The following METTL8 variants were observed in gnomAD, a reference collection of about 807,000 sequenced individuals.
The protein encoded by METTL8 is tRNA N(3)-cytidine methyltransferase METTL8, mitochondrial.
In METTL8, 32 loss-of-function variants were observed where a neutral mutation model predicts 48.7. That is an observed-to-expected ratio of 0.66 (90% CI 0.50 to 0.88). METTL8 has a LOEUF of 0.88. Among genes scored for constraint, METTL8 ranks in the 40% least tolerant of loss-of-function variants. The pLI is 0.00. For synonymous variants in METTL8, 136 were observed against 157.1 expected (o/e 0.87, Z 1.01); for missense variants, 464 against 474.4 (o/e 0.98, Z 0.20).
chr2:171,373,318 T>C (rs1031642663), intron 2 of METTL8, among the ~76,000 whole-genome samples: 2 of 152,176 alleles, frequency 1.3e-5, no homozygotes, highest in African/African-American at 4.8e-5. Flanking sequence ...TTTGCCCACT[T>C]TTTGATGGGG....
intron 1 of METTL8, among the ~76,000 whole-genome samples, chr2:171,404,097 ATATG>A (rs1559183866): frequency 8.1e-6 from 1 of 122,936 alleles, no homozygotes; most frequent in Non-Finnish European, 1.7e-5. Context: ...ATATATATAT[ATATG>A]ATAGTTTAAC....
In METTL8 at chr2:171,380,807, A is replaced by G. The variant is rs1687447124; in HGVS notation, c.143+11236T>C. On this transcript the variant is annotated intron_variant, in intron 2 of 9. Coordinates refer to ENST00000375258, the MANE Select transcript of METTL8 (RefSeq NM_001321154.2). ...ACAGATAGGAACACTCAATATCGTGAAAATGCCCATACTGCCCAAAGTAAT... is the reference window on the plus strand; with the variant it reads ...ACAGATAGGAACACTCAATATCGTGGAAATGCCCATACTGCCCAAAGTAAT... Among the ~76,000 whole-genome samples, 3 of 152,246 alleles carry G rather than the reference A, an allele frequency of 2.0e-5. No homozygotes were observed. In the South Asian group the frequency reaches 6.2e-4, roughly 31 times the overall value.
chr2:171,341,259 C>T (rs947300883), intron 3 of METTL8, among the ~76,000 whole-genome samples: 3 of 148,950 alleles, frequency 2.0e-5, no homozygotes, highest in African/African-American at 2.5e-5. Context: ...ACCTGGGAGG[C>T]GGAGGTTGCA....
chr2:171,333,965 A>G (rs1467330933), intron 5 of METTL8, among the ~76,000 whole-genome samples: 2 of 152,212 alleles, frequency 1.3e-5, no homozygotes, highest in Admixed American at 6.5e-5. Flanking sequence ...AGCACTCAAT[A>G]AATGTTAGTC....
chr2:171,342,410 C>CTA (rs1686868163), intron 3 of METTL8, among the ~76,000 whole-genome samples: 1 of 152,238 alleles, frequency 6.6e-6, no homozygotes. Context: ...TGATCTGAAA[C>CTA]TATATATTTG....
intron 8 of METTL8, 51 bp downstream of exon 8, chr2:171,325,991 A>C: frequency 4.4e-6 from 6 of 1,355,130 alleles, no homozygotes; most frequent in African/African-American, 1.5e-5. Flanking sequence ...AATATAAACA[A>C]GGCATTCTTT....
At chr2:171,416,139 C>T (rs1691294432) in intron 1 of METTL8, among the ~76,000 whole-genome samples, 1 of 152,114 alleles carries the variant, frequency 6.6e-6, no homozygotes, top group African/African-American at 2.4e-5. Context: ...TCTGACGCGC[C>T]AGGATCGTTT....
intron 3 of METTL8, among the ~76,000 whole-genome samples, chr2:171,345,144 G>T (rs545250818): frequency 6.6e-6 from 1 of 152,038 alleles, no homozygotes; most frequent in Non-Finnish European, 1.5e-5. Flanking sequence ...GGGATGTAGC[G>T]ATCTGTTTAA....
chr2:171,389,182 T>C (rs1559158295), intron 2 of METTL8, among the ~76,000 whole-genome samples: 1 of 152,124 alleles, frequency 6.6e-6, no homozygotes, highest in Admixed American at 6.6e-5. Context: ...CTAGCACTAG[T>C]CAACTTGTGA....
intron 1 of METTL8, among the ~76,000 whole-genome samples, chr2:171,398,300 T>A (rs192065223): frequency 9.2e-5 from 14 of 152,300 alleles, no homozygotes; most frequent in African/African-American, 3.1e-4. Context: ...CATATATATG[T>A]ACAATGGAAC....
intron 1 of METTL8, among the ~76,000 whole-genome samples, chr2:171,400,566 C>A (rs1689542492): frequency 6.6e-6 from 1 of 152,162 alleles, no homozygotes; most frequent in African/African-American, 2.4e-5. Context: ...TCTTATTTGG[C>A]TTGTCATATT....
intron 2 of METTL8, among the ~76,000 whole-genome samples, chr2:171,384,245 C>G (rs144671923): frequency 6.6e-6 from 1 of 152,196 alleles, no homozygotes; most frequent in Non-Finnish European, 1.5e-5. Context: ...GAGACTTAAA[C>G]GTCTGTAATC....
At chr2:171,360,376 G>T in intron 3 of METTL8, 46 bp downstream of exon 3, 1 of 1,537,134 alleles carries the variant, frequency 6.5e-7, no homozygotes, top group Non-Finnish European at 9.0e-7. Flanking sequence ...AGGAGGAAAA[G>T]TCACTAAAGC....
Position 171,339,176 on chromosome 2 carries a change from C to A in METTL8, c.606+8G>T. On this transcript the variant is annotated splice_region_variant and intron_variant, in intron 4 of 9. Transcript: ENST00000375258. ...TCACCTCCCATTTTTGTCCCTTGAG[C>A]ACAATACCTCTAGTATCCTGAAAGT... 6.8e-7 allele frequency: 1 copy of A among 1,465,790 alleles called. No homozygotes were observed. The highest frequency in any genetic ancestry group is 9.1e-7 in the Non-Finnish European group (1 of 1,102,430). The allele number at this position is 1,465,790 out of a possible 1,614,324, so 90.8% of individuals were successfully genotyped here.
rs1405411907 is a variant in METTL8, at chr2:171,324,179, T to C, written c.1217A>G (p.Gln406Arg). The stretch of plus-strand genomic sequence containing the variant: ...CTTAACATGTTACAAAGTTCAGTCT[T>C]GTGAAAGGAGTGTAGATACCATATT... Reference protein sequence around the residue: ...SSNMVSTLLSQD With the variant: ...SSNMVSTLLSRD The change falls in exon 10 of 10, where the codon CAA becomes CGA. Residue 406 changes from glutamine to arginine, a missense_variant. Transcript: ENST00000375258. 12 of 1,548,328 alleles carry C rather than the reference T, an allele frequency of 7.8e-6. No individual in the cohort carries two copies. The highest frequency in any genetic ancestry group is 1.0e-5 in the Non-Finnish European group (12 of 1,145,820).
At chr2:171,414,953 C>T (rs926956855) in intron 1 of METTL8, among the ~76,000 whole-genome samples, 2 of 151,906 alleles carry the variant, frequency 1.3e-5, no homozygotes, top group Non-Finnish European at 2.9e-5. Flanking sequence ...AAGGGGAAAC[C>T]CCTTTCACTT....
At chr2:171,400,404 G>T (rs947079271) in intron 1 of METTL8, among the ~76,000 whole-genome samples, 2 of 152,126 alleles carry the variant, frequency 1.3e-5, no homozygotes, top group Non-Finnish European at 2.9e-5. Flanking sequence ...CTTTAATGGG[G>T]TTGCTAATTT....
At chr2:171,372,561 G>A (rs530370948) in intron 2 of METTL8, among the ~76,000 whole-genome samples, 27 of 151,822 alleles carry the variant, frequency 1.8e-4, no homozygotes, top group African/African-American at 5.8e-4. Context: ...GTATACATGC[G>A]CCATGTTGGT....
At position 171,320,675 on chromosome 2, in the gene METTL8, C is replaced by CAACT. The variant is rs554053616; in HGVS notation, c.*3493_*3496dup. The CAACT allele has an allele frequency of 1.6e-4, 25 of 152,328 alleles. No individual in the cohort carries two copies. The East Asian group carries it at 4.4e-3, about 27-fold the overall frequency. The allele number at this position is 152,328 out of a possible 1,614,324, so 9.4% of individuals were successfully genotyped here. On this transcript the variant is annotated 3_prime_UTR_variant, in exon 10 of 10. Transcript: ENST00000375258. ...TAATGTACACTTTAATTATGAAATA[C>CAACT]AACTGAGTTAAGAGTCTTGGGCAAA... is the stretch of plus-strand genomic sequence containing the variant.
Sources: gnomAD v4.1 joint callset for allele counts (sites outside exome capture counted in the v4.1 genomes callset) on GRCh38, gnomAD v4.1.1 for gene constraint, MANE v1.5 for transcripts, NCBI Gene and HGNC (gene_info 2026-07-23, HGNC 2026-07-21) for gene names.